MGMT: variants seen among roughly 807,000 people sequenced by gnomAD.
MGMT encodes O-6-methylguanine-DNA methyltransferase.
In MGMT, 14 loss-of-function variants were observed where a neutral mutation model predicts 15.9. The observed-to-expected ratio is 0.88, with a 90% CI of 0.58 to 1.37. The LOEUF (loss-of-function observed/expected upper bound fraction) is 1.37, where lower values mean the gene tolerates loss of function less well. MGMT is among the 40% of genes most tolerant of loss of function. The pLI, the probability that MGMT is intolerant of heterozygous loss-of-function variation, is 0.00. For synonymous variants in MGMT, 130 were observed against 118.2 expected, an observed-to-expected ratio of 1.10 and a Z score of -0.65; for missense variants, 282 against 268.1, an observed-to-expected ratio of 1.05 and a Z score of -0.36.
At chr10:129,686,825 G>A (rs754490242) in intron 2 of MGMT, among the ~76,000 whole-genome samples, 1 of 152,212 alleles carries the variant, frequency 6.6e-6, no homozygotes, top group African/African-American at 2.4e-5. Flanking sequence ...GGCCGGGAGA[G>A]AAGTGAGAAC....
intron 1 of MGMT, among the ~76,000 whole-genome samples, chr10:129,484,053 A>G (rs2119641265): frequency 6.6e-6 from 1 of 152,270 alleles, no homozygotes; most frequent in Middle Eastern, 3.4e-3. Flanking sequence ...TTCAACTGAG[A>G]CCTGTCATAC....
At chr10:129,671,075 C>T (rs78651151) in intron 2 of MGMT, among the ~76,000 whole-genome samples, 6,492 of 152,250 alleles carry the variant, frequency 0.043, 196 homozygotes, top group Non-Finnish European at 0.065. Flanking sequence ...CAGCCAGCTC[C>T]GAGAGCCAGT....
At chr10:129,614,105 C>G (rs1401874788) in intron 2 of MGMT, among the ~76,000 whole-genome samples, 1 of 152,180 alleles carries the variant, frequency 6.6e-6, no homozygotes, top group Non-Finnish European at 1.5e-5. Context: ...ACAGACTCCC[C>G]CTTCCCCAGC....
intron 1 of MGMT, among the ~76,000 whole-genome samples, chr10:129,506,493 G>T (rs1386691008): frequency 6.6e-6 from 1 of 152,162 alleles, no homozygotes; most frequent in African/African-American, 2.4e-5. Context: ...TAGGGCTGGT[G>T]AAGTAGCCGT....
At chr10:129,663,276 T>G (rs12413023) in intron 2 of MGMT, among the ~76,000 whole-genome samples, 60,715 of 151,982 alleles carry the variant, frequency 0.4, 12,585 homozygotes, top group South Asian at 0.46. Flanking sequence ...AATGAAAGTG[T>G]AAATATAAAC....
intron 1 of MGMT, among the ~76,000 whole-genome samples, chr10:129,515,497 TGTTTCA>T (rs1845728882): frequency 6.6e-6 from 1 of 152,226 alleles, no homozygotes; most frequent in Admixed American, 6.5e-5. Flanking sequence ...TGATAGCACA[TGTTTCA>T]GCTGGCTCTT....
chr10:129,741,427 C>T (rs1848631519), intron 3 of MGMT, among the ~76,000 whole-genome samples: 1 of 152,200 alleles, frequency 6.6e-6, no homozygotes, highest in Non-Finnish European at 1.5e-5. Context: ...AGGCGTGCAG[C>T]CCATCCCTGA....
chr10:129,767,041 C>G lies in MGMT; in HGVS notation c.*44C>G. 1 of 1,496,428 alleles carries G rather than the reference C, an allele frequency of 6.7e-7. No homozygotes were observed. The allele number at this position is 1,496,428 out of a possible 1,614,324, so 92.7% of individuals were successfully genotyped here. A position where few individuals can be genotyped will look rare whatever the true frequency, so the allele number is the denominator to read the frequency against. ...ATGTTTGAGCGACACACACGTGTAA[C>G]ACTGCATCGGATGCGGGGCGTGGAG... On this transcript the variant is annotated 3_prime_UTR_variant, in exon 5 of 5. Transcript: ENST00000651593.
intron 2 of MGMT, among the ~76,000 whole-genome samples, chr10:129,606,099 CAA>C (rs1846886857): frequency 6.6e-6 from 1 of 152,156 alleles, no homozygotes; most frequent in South Asian, 2.1e-4. Flanking sequence ...CATAACAACT[CAA>C]GAGGCTTGAC....
intron 2 of MGMT, among the ~76,000 whole-genome samples, chr10:129,578,560 A>C (rs1019663189): frequency 6.6e-6 from 1 of 152,198 alleles, no homozygotes; most frequent in Non-Finnish European, 1.5e-5. Flanking sequence ...GAGGGGTAGC[A>C]TTAGGAGATA....
intron 1 of MGMT, among the ~76,000 whole-genome samples, chr10:129,526,412 C>G (rs966910420): frequency 1.3e-5 from 2 of 152,054 alleles, no homozygotes; most frequent in Non-Finnish European, 2.9e-5. Flanking sequence ...CTTCCTCCCC[C>G]AGGTGAGCCA....
chr10:129,642,764 A>T (rs567129306), intron 2 of MGMT, among the ~76,000 whole-genome samples: 1 of 152,122 alleles, frequency 6.6e-6, no homozygotes, highest in South Asian at 2.1e-4. Context: ...TAGACCAGTA[A>T]CTCCTGAAAG....
intron 2 of MGMT, among the ~76,000 whole-genome samples, chr10:129,565,018 A>G (rs1846337608): frequency 6.6e-6 from 1 of 152,184 alleles, no homozygotes; most frequent in Non-Finnish European, 1.5e-5. Context: ...CCTTCATGAA[A>G]AAAGATGGAG....
intron 2 of MGMT, among the ~76,000 whole-genome samples, chr10:129,699,827 C>A (rs1193931551): frequency 6.6e-6 from 1 of 152,120 alleles, no homozygotes; most frequent in Non-Finnish European, 1.5e-5. Context: ...CACTTACTTC[C>A]CTGTCTTATA....
chr10:129,758,920 G>T (rs768077009), intron 3 of MGMT, among the ~76,000 whole-genome samples: 2 of 152,222 alleles, frequency 1.3e-5, no homozygotes, highest in Non-Finnish European at 2.9e-5. Flanking sequence ...AGTGGCACAC[G>T]CAACCCCACG....
At chr10:129,741,067 G>A (rs1170805596) in intron 3 of MGMT, among the ~76,000 whole-genome samples, 2 of 152,124 alleles carry the variant, frequency 1.3e-5, no homozygotes, top group African/African-American at 4.8e-5. Flanking sequence ...GCTGGCCACT[G>A]GGTACCAAGG....
intron 2 of MGMT, chr10:129,693,640 C>G (rs1847996082): frequency 6.6e-6 from 1 of 152,386 alleles, no homozygotes; most frequent in Admixed American, 6.5e-5. Flanking sequence ...TGCGGTGGCT[C>G]AGGCCTATAA....
chr10:129,580,220 G>A (rs961574205), intron 2 of MGMT, among the ~76,000 whole-genome samples: 1 of 152,212 alleles, frequency 6.6e-6, no homozygotes, highest in Non-Finnish European at 1.5e-5. Flanking sequence ...TGTGCCCGGG[G>A]GGGCGGGACT....
intron 2 of MGMT, among the ~76,000 whole-genome samples, chr10:129,619,604 G>A (rs1350808924): frequency 1.3e-5 from 2 of 151,968 alleles, no homozygotes; most frequent in African/African-American, 4.8e-5. Context: ...TCTGGGCCTG[G>A]AATTTTCTTT....
Sources: allele counts gnomAD v4.1 joint callset (sites outside exome capture counted in the v4.1 genomes callset), GRCh38; gene constraint gnomAD v4.1.1; transcripts MANE v1.5; gene names NCBI Gene and HGNC (gene_info 2026-07-23, HGNC 2026-07-21).